FAM13A: variants seen among roughly 807,000 people sequenced by gnomAD.
The protein encoded by FAM13A is family with sequence similarity 13 member A.
Under a neutral mutation model 129.6 loss-of-function variants are expected in FAM13A, and 76 were observed. That is an observed-to-expected ratio of 0.59 (90% CI 0.49 to 0.71). The LOEUF (loss-of-function observed/expected upper bound fraction) is 0.71. FAM13A is among the 30% of genes least tolerant of loss of function. The pLI is 0.00. For missense variants in FAM13A, 1,108 were observed against 1,249.3 expected (o/e 0.89, Z 1.70); for synonymous variants, 443 against 449.9 (o/e 0.98, Z 0.20).
intron 6 of FAM13A, among the ~76,000 whole-genome samples, chr4:88,863,953 TC>T (rs1259053862): frequency 3.3e-5 from 5 of 152,126 alleles, no homozygotes; most frequent in African/African-American, 1.2e-4. Flanking sequence ...GTTCTCAGAA[TC>T]CAAACTGTAA....
intron 7 of FAM13A, among the ~76,000 whole-genome samples, chr4:88,844,139 G>A (rs1736270699): frequency 2.0e-5 from 3 of 152,290 alleles, no homozygotes; most frequent in East Asian, 1.9e-4. Context: ...CAGCAACTGA[G>A]TACATGCCCC....
At chr4:88,925,990 G>A (rs1477028361) in intron 5 of FAM13A, among the ~76,000 whole-genome samples, 1 of 152,148 alleles carries the variant, frequency 6.6e-6, no homozygotes, top group African/African-American at 2.4e-5. Flanking sequence ...TTGCTGCGAG[G>A]ATTGAGAGCA....
intron 7 of FAM13A, among the ~76,000 whole-genome samples, chr4:88,842,420 C>T (rs1242992861): frequency 6.6e-6 from 1 of 152,198 alleles, no homozygotes; most frequent in Non-Finnish European, 1.5e-5. Context: ...TTTTTAAAGA[C>T]CTTTGAAGAC....
chr4:88,973,710 A>T (rs1356732075), intron 4 of FAM13A, among the ~76,000 whole-genome samples: 1 of 152,144 alleles, frequency 6.6e-6, no homozygotes, highest in African/African-American at 2.4e-5. Flanking sequence ...GATTTTTTTC[A>T]TGATGGCTGG....
intron 6 of FAM13A, among the ~76,000 whole-genome samples, chr4:88,866,098 A>G (rs1740389698): frequency 6.7e-6 from 1 of 150,062 alleles, no homozygotes; most frequent in Admixed American, 6.6e-5. Flanking sequence ...CCCTGGCTGG[A>G]GTGTAATGGC....
At chr4:89,007,467 G>C (rs547721526) in intron 3 of FAM13A, among the ~76,000 whole-genome samples, 4 of 151,860 alleles carry the variant, frequency 2.6e-5, no homozygotes, top group Admixed American at 6.6e-5. Flanking sequence ...AAAGATCCTC[G>C]AGCCCCAGTC....
intron 6 of FAM13A, among the ~76,000 whole-genome samples, chr4:88,890,206 T>C (rs1320165604): frequency 1.3e-5 from 2 of 152,194 alleles, no homozygotes; most frequent in African/African-American, 2.4e-5. Flanking sequence ...TCCCAGCACC[T>C]GGCATACAAT....
At chr4:88,866,567 T>A (rs1740494228) in intron 6 of FAM13A, among the ~76,000 whole-genome samples, 1 of 152,144 alleles carries the variant, frequency 6.6e-6, no homozygotes, top group African/African-American at 2.4e-5. Flanking sequence ...CTGACCCAAC[T>A]GTATCTACAT....
chr4:88,933,853 T>G (rs1250540779), intron 5 of FAM13A, among the ~76,000 whole-genome samples: 3 of 152,168 alleles, frequency 2.0e-5, no homozygotes, highest in Non-Finnish European at 4.4e-5. Flanking sequence ...GTAGCACTCT[T>G]CTGCTTAATA....
chr4:88,797,169 C>G, intron 8 of FAM13A, among the ~76,000 whole-genome samples: 1 of 151,816 alleles, frequency 6.6e-6, no homozygotes, highest in East Asian at 1.9e-4. Flanking sequence ...ACACACTATA[C>G]TTGTATTTTA....
At chr4:89,010,880 G>C (rs1478791663) in intron 3 of FAM13A, among the ~76,000 whole-genome samples, 1 of 151,550 alleles carries the variant, frequency 6.6e-6, no homozygotes, top group Non-Finnish European at 1.5e-5. Context: ...ATGGAGTCTT[G>C]CTCTGTTGCC....
At chr4:88,991,346 G>A (rs993380096) in intron 3 of FAM13A, among the ~76,000 whole-genome samples, 196 bp from the exon 4 acceptor site, 1 of 152,138 alleles carries the variant, frequency 6.6e-6, no homozygotes, top group African/African-American at 2.4e-5. Flanking sequence ...GCTGAGGCAG[G>A]AGAATGGCAT....
At chr4:88,747,568 CCT>C in intron 18 of FAM13A, 61 bp downstream of exon 18, 1 of 1,345,148 alleles carries the variant, frequency 7.4e-7, no homozygotes, top group Non-Finnish European at 1.1e-6. Flanking sequence ...CGTGGCATGC[CCT>C]GTGTCTCTAC....
chr4:88,747,498 T>A, intron 18 of FAM13A, 133 bp downstream of exon 18: 1 of 745,582 alleles, frequency 1.3e-6, no homozygotes. Context: ...TTCATCAGCT[T>A]CCCTAGACAC....
Position 89,036,760 on chromosome 4 carries a change from G to A in FAM13A, c.28-7111C>T, listed in dbSNP as rs528371604. 4.1e-4 allele frequency among the ~76,000 whole-genome samples: 63 copies of A among 152,328 alleles called. 1 individual carries two copies. In the East Asian group the frequency reaches 6.4e-3, roughly 15 times the overall value. On this transcript the variant is annotated intron_variant, in intron 1 of 23. Transcript: ENST00000264344. Reference sequence around the variant, plus strand: ...CAGGGTCCTGTTGCTCTGCTCAGCCGCAGGACACTGGTCCCTGTGTCCCAA... The same window carrying A: ...CAGGGTCCTGTTGCTCTGCTCAGCCACAGGACACTGGTCCCTGTGTCCCAA...
At chr4:88,883,912 A>G (rs960550977) in intron 6 of FAM13A, among the ~76,000 whole-genome samples, 1 of 152,154 alleles carries the variant, frequency 6.6e-6, no homozygotes, top group African/African-American at 2.4e-5. Context: ...GAAAACCAAG[A>G]GGAGATGGAT....
chr4:88,829,805 G>C (rs780388134), intron 7 of FAM13A, among the ~76,000 whole-genome samples: 11 of 152,182 alleles, frequency 7.2e-5, no homozygotes, highest in Non-Finnish European at 1.2e-4. Flanking sequence ...CATTTTAACA[G>C]ATGTGGAAAT....
intron 10 of FAM13A, 144 bp from the exon 11 acceptor site, chr4:88,781,495 G>C: frequency 1.9e-6 from 1 of 532,408 alleles, no homozygotes; most frequent in South Asian, 3.4e-5. Context: ...TCTGAGCAGA[G>C]TGCCACTCCT....
intron 6 of FAM13A, among the ~76,000 whole-genome samples, chr4:88,873,761 G>C (rs1579059277): frequency 6.6e-6 from 1 of 152,262 alleles, no homozygotes; most frequent in African/African-American, 2.4e-5. Context: ...AATAGAAAAA[G>C]AGGGAATCCT....
Sources: gnomAD v4.1 joint callset for allele counts (sites outside exome capture counted in the v4.1 genomes callset) on GRCh38, gnomAD v4.1.1 for gene constraint, MANE v1.5 for transcripts, NCBI Gene and HGNC (gene_info 2026-07-23, HGNC 2026-07-21) for gene names.